FGF10: variants seen among roughly 807,000 people sequenced by gnomAD.
FGF10 encodes FGF-10.
A neutral mutation model predicts 19.8 loss-of-function variants in FGF10; 2 were observed. The ratio of observed to expected loss-of-function variants is 0.10; its 90% confidence interval spans 0.04 to 0.32. FGF10 has a LOEUF of 0.32. Ranked by LOEUF, FGF10 falls within the 10% of genes least tolerant of loss-of-function variation. The pLI is 1.00. For missense variants in FGF10, 191 were observed against 246.3 expected, an observed-to-expected ratio of 0.78 and a Z score of 1.50; for synonymous variants, 112 against 94.0, an observed-to-expected ratio of 1.19 and a Z score of -1.10.
chr5:44,349,422 TTATATATA>T (rs869035955), intron 1 of FGF10, among the ~76,000 whole-genome samples: 22 of 41,422 alleles, frequency 5.3e-4, no homozygotes, highest in African/African-American at 2.0e-3. Context: ...AGCATTTTCT[TTATATATA>T]TATATATATA....
intron 1 of FGF10, among the ~76,000 whole-genome samples, chr5:44,338,220 C>T (rs61238745): frequency 0.029 from 4,410 of 152,142 alleles, 215 homozygotes; most frequent in African/African-American, 0.1. Context: ...ATAGTTTTTA[C>T]ATATCTGAAA....
At chr5:44,365,212 C>T (rs1741577422) in intron 1 of FGF10, among the ~76,000 whole-genome samples, 1 of 151,778 alleles carries the variant, frequency 6.6e-6, no homozygotes, top group South Asian at 2.1e-4. Flanking sequence ...CCAAGATGAG[C>T]TGTCAACAGG....
intron 1 of FGF10, among the ~76,000 whole-genome samples, chr5:44,331,611 G>C (rs1203890437): frequency 6.6e-6 from 1 of 152,028 alleles, no homozygotes; most frequent in Non-Finnish European, 1.5e-5. Flanking sequence ...TGTGCAATTA[G>C]GGTTCTTTCC....
At chr5:44,365,350 CAA>C (rs3060085) in intron 1 of FGF10, among the ~76,000 whole-genome samples, 8 of 124,696 alleles carry the variant, frequency 6.4e-5, no homozygotes, top group African/African-American at 9.0e-5. Flanking sequence ...AAATAATTTG[CAA>C]AAAAAAAAAA....
intron 1 of FGF10, among the ~76,000 whole-genome samples, chr5:44,313,678 A>G (rs1013029299): frequency 6.6e-6 from 1 of 151,846 alleles, no homozygotes; most frequent in African/African-American, 2.4e-5. Flanking sequence ...TGTAAAACAG[A>G]TATTTTGTAA....
chr5:44,350,526 A>C (rs1054915358), intron 1 of FGF10, among the ~76,000 whole-genome samples: 1 of 151,074 alleles, frequency 6.6e-6, no homozygotes, highest in African/African-American at 2.4e-5. Flanking sequence ...TACTATTAGC[A>C]ATAAAAAAGT....
intron 1 of FGF10, among the ~76,000 whole-genome samples, chr5:44,361,809 G>C (rs1741488588): frequency 6.6e-6 from 1 of 151,592 alleles, no homozygotes; most frequent in African/African-American, 2.4e-5. Flanking sequence ...CTATTCAGCA[G>C]TTTTGTAGTC....
rs1309857489 is a variant in FGF10, at chr5:44,301,502, T to C, written c.*3493A>G. On this transcript the variant is annotated 3_prime_UTR_variant, in exon 3 of 3. Transcript: ENST00000264664. ...ATTTTCAAATCAAATTCATTGGTCATTCATCCCCTTGAAATCAGATTCTGC... is the reference window on the plus strand; with the variant it reads ...ATTTTCAAATCAAATTCATTGGTCACTCATCCCCTTGAAATCAGATTCTGC... 6.6e-6 allele frequency among the ~76,000 whole-genome samples: 1 copy of C among 152,204 alleles called. No individual in the cohort carries two copies. The highest frequency in any genetic ancestry group is 2.4e-5 in the African/African-American group (1 of 41,464).
At chr5:44,327,844 T>G (rs535426771) in intron 1 of FGF10, among the ~76,000 whole-genome samples, 1 of 152,292 alleles carries the variant, frequency 6.6e-6, no homozygotes, top group Admixed American at 6.5e-5. Flanking sequence ...AGCTCCTCTT[T>G]TTATTGTTTC....
intron 1 of FGF10, among the ~76,000 whole-genome samples, chr5:44,320,590 C>T (rs1323714062): frequency 6.6e-6 from 1 of 152,166 alleles, no homozygotes; most frequent in Non-Finnish European, 1.5e-5. Flanking sequence ...TTCTGCAAGC[C>T]TGCTTTGTAT....
At chr5:44,380,057 C>T (rs780261012) in intron 1 of FGF10, among the ~76,000 whole-genome samples, 1 of 152,170 alleles carries the variant, frequency 6.6e-6, no homozygotes, top group Non-Finnish European at 1.5e-5. Context: ...TCATATCCTT[C>T]TGCAGAGATA....
intron 1 of FGF10, among the ~76,000 whole-genome samples, chr5:44,322,449 T>C (rs1327071555): frequency 6.6e-6 from 1 of 152,170 alleles, no homozygotes; most frequent in East Asian, 1.9e-4. Flanking sequence ...TTACCTCAGC[T>C]TTCAAAAGCA....
intron 1 of FGF10, among the ~76,000 whole-genome samples, chr5:44,355,552 G>A (rs576011558): frequency 2.1e-4 from 31 of 151,150 alleles, no homozygotes; most frequent in Non-Finnish European, 3.4e-4. Context: ...TACTAAGAAA[G>A]CAGAGAACTA....
chr5:44,366,631 A>G (rs1186963693), intron 1 of FGF10, among the ~76,000 whole-genome samples: 4 of 152,058 alleles, frequency 2.6e-5, no homozygotes, highest in East Asian at 1.9e-4. Flanking sequence ...GGCTTGTGAC[A>G]TATGATTTGT....
At chr5:44,386,410 T>C (rs1742098014) in intron 1 of FGF10, among the ~76,000 whole-genome samples, 2 of 152,108 alleles carry the variant, frequency 1.3e-5, no homozygotes, top group Non-Finnish European at 2.9e-5. Flanking sequence ...CCATGAAAAA[T>C]AAGAAATGAG....
chr5:44,381,935 C>T (rs1343659404), intron 1 of FGF10, among the ~76,000 whole-genome samples: 1 of 152,064 alleles, frequency 6.6e-6, no homozygotes, highest in Non-Finnish European at 1.5e-5. Context: ...CAATACTTTG[C>T]CTTCTATTAG....
chr5:44,346,416 G>A (rs199527348), intron 1 of FGF10, among the ~76,000 whole-genome samples: 2 of 151,576 alleles, frequency 1.3e-5, no homozygotes, highest in Non-Finnish European at 2.9e-5. Flanking sequence ...AAATTAACAT[G>A]TCAATTAATT....
At chr5:44,380,649 C>T (rs1221064995) in intron 1 of FGF10, among the ~76,000 whole-genome samples, 1 of 152,128 alleles carries the variant, frequency 6.6e-6, no homozygotes, top group East Asian at 1.9e-4. Context: ...AATCAGCATT[C>T]ATCTTTTTTA....
intron 1 of FGF10, among the ~76,000 whole-genome samples, chr5:44,315,834 A>T (rs1322723990): frequency 6.6e-6 from 1 of 152,160 alleles, no homozygotes; most frequent in Non-Finnish European, 1.5e-5. Flanking sequence ...TACCTCTGGG[A>T]TTATGTGGCC....
Sources: gnomAD v4.1 joint callset for allele counts (sites outside exome capture counted in the v4.1 genomes callset) on GRCh38, gnomAD v4.1.1 for gene constraint, MANE v1.5 for transcripts, NCBI Gene and HGNC (gene_info 2026-07-23, HGNC 2026-07-21) for gene names.